GOSR2: variants seen among roughly 807,000 people sequenced by gnomAD.
GOSR2 encodes the protein golgi SNAP receptor complex member 2, also known as 27 kDa Golgi SNARE protein.
GOSR2 carries 20 observed loss-of-function variants against 27.9 expected under a neutral mutation model. The observed-to-expected ratio is 0.72, with a 90% CI of 0.50 to 1.04. The LOEUF is 1.04. Among genes scored for constraint, GOSR2 ranks in the 50% least tolerant of loss-of-function variants. The probability of loss-of-function intolerance (pLI) is 0.00; values close to 1 mark genes in which losing one functional copy is unlikely to be tolerated. For synonymous variants in GOSR2, 91 were observed against 98.8 expected (o/e 0.92, Z 0.47); for missense variants, 261 against 270.5 (o/e 0.97, Z 0.25).
chr17:46,958,117 G>C (rs1240115359), intron 6 of GOSR2, among the ~76,000 whole-genome samples: 1 of 152,166 alleles, frequency 6.6e-6, no homozygotes, highest in African/African-American at 2.4e-5. Flanking sequence ...ATTTGTGCAG[G>C]ACTTTCTTTC....
chr17:46,938,828 A>G lies in GOSR2; in HGVS notation c.*68A>G, dbSNP rs2088848326. The G allele has an allele frequency of 2.5e-6, 4 of 1,609,364 alleles. No homozygotes were observed. Among genetic ancestry groups the G allele is most frequent in the Non-Finnish European group, 3.4e-6 (4 of 1,179,108 alleles). ...AAGTGTGTGTGTGTGTGAAAGAGAGAGGGGGGCCCAGAGGCCGCCTTTTGA... is the reference window on the plus strand; with the variant it reads ...AAGTGTGTGTGTGTGTGAAAGAGAGGGGGGGGCCCAGAGGCCGCCTTTTGA... On this transcript the variant is annotated 3_prime_UTR_variant, in exon 6 of 6. Transcript: ENST00000640051.
intron 5 of GOSR2, chr17:46,937,731 C>T (rs376206497): frequency 6.6e-6 from 1 of 152,216 alleles, no homozygotes; most frequent in Non-Finnish European, 1.5e-5. Context: ...TTCCAAGGTT[C>T]ATTCATATTG....
At position 46,939,171 on chromosome 17, in the gene GOSR2, G is replaced by A. The variant is rs1422100754; in HGVS notation, c.*411G>A. ...CCTTTCTGGCTCCTGATAGGGTGGA[G>A]CAAAAGTGGAAAGGAAAGGAAAGAG... On this transcript the variant is annotated 3_prime_UTR_variant, in exon 6 of 6. Transcript: ENST00000640051. The A allele has an allele frequency of 6.4e-6, 7 of 1,094,208 alleles. No homozygotes were observed. The highest frequency in any genetic ancestry group is 2.6e-5 in the South Asian group (1 of 37,808). 67.8% of individuals were successfully genotyped at this position (1,094,208 alleles called of 1,614,324 possible). A position where few individuals can be genotyped will look rare whatever the true frequency, so the allele number is the denominator to read the frequency against.
downstream of GOSR2, among the ~76,000 whole-genome samples, chr17:46,946,630 A>G (rs2089921658): frequency 6.6e-6 from 1 of 152,158 alleles, no homozygotes; most frequent in Non-Finnish European, 1.5e-5. Flanking sequence ...TGGGAGGCCA[A>G]AGCAGGTGGA....
Position 46,938,662 on chromosome 17 carries a change from C to G in GOSR2, c.541C>G (p.Leu181Val), listed in dbSNP as rs772342696. The G allele has an allele frequency of 1.7e-5, 28 of 1,614,012 alleles. No homozygotes were observed. Among genetic ancestry groups the G allele is most frequent in the Non-Finnish European group, 2.2e-5 (26 of 1,180,028 alleles). The stretch of plus-strand genomic sequence containing the variant: ...GGGCTTGTCCAACACAGTGATGCGG[C>G]TCATCGAGAAGCGGGCTTTCCAGGA... ...MLGLSNTVMRLIEKRAFQDKY... is the reference protein window; with the variant it reads ...MLGLSNTVMRVIEKRAFQDKY... The change falls in exon 6 of 6, where the codon CTC becomes GTC. Residue 181 changes from leucine to valine, a missense_variant. Transcript: ENST00000640051.
rs1214851533 is a variant in GOSR2 at position 46,939,299 on chromosome 17, C to T, written c.*539C>T. On this transcript the variant is annotated 3_prime_UTR_variant, in exon 6 of 6. Coordinates refer to ENST00000640051, the MANE Select transcript of GOSR2 (RefSeq NM_004287.5). ...CAGTGACATGTAGATGACTGACTGC[C>T]AATACTTGTCACCATTCCCTGGAAG... The T allele has an allele frequency of 9.9e-7, 1 of 1,014,100 alleles. No homozygotes were observed. Among genetic ancestry groups the T allele is most frequent in the Admixed American group, 5.1e-5 (1 of 19,794 alleles). The allele number at this position is 1,014,100 out of a possible 1,614,324, so 62.8% of individuals were successfully genotyped here.
intron 6 of GOSR2, among the ~76,000 whole-genome samples, chr17:46,951,863 C>G (rs2090374585): frequency 6.6e-6 from 1 of 152,148 alleles, no homozygotes; most frequent in Non-Finnish European, 1.5e-5. Flanking sequence ...TCTGGCTTTT[C>G]CCTCGGGGTG....
downstream of GOSR2, among the ~76,000 whole-genome samples, chr17:46,944,826 C>T (rs971574120): frequency 2.0e-5 from 3 of 152,108 alleles, no homozygotes; most frequent in East Asian, 1.9e-4. Flanking sequence ...TCTCGAACTC[C>T]TGACTTCAGG....
At chr17:46,935,414 C>T (rs570766020) in intron 5 of GOSR2, 2 of 1,426,776 alleles carry the variant, frequency 1.4e-6, no homozygotes, top group Non-Finnish European at 9.1e-7. Flanking sequence ...CAGGTCTTTT[C>T]CCATTTACTG....
Position 46,932,056 on chromosome 17 carries a change from A to G in GOSR2, c.204-11A>G. 2 of 1,612,596 alleles carry G rather than the reference A, an allele frequency of 1.2e-6. No individual in the cohort carries two copies. The highest frequency in any genetic ancestry group is 2.2e-5 in the East Asian group (1 of 44,876). On this transcript the variant is annotated splice_polypyrimidine_tract_variant and intron_variant, in intron 3 of 5. Coordinates refer to ENST00000640051, the MANE Select transcript of GOSR2 (RefSeq NM_004287.5). ...TTCCTGGAATTTAATCTCTCTCTCC[A>G]TCAATTCCAGTCGGGTTGACCAGTT... is the stretch of plus-strand genomic sequence containing the variant.
chr17:46,938,838 A>G lies in GOSR2; in HGVS notation c.*78A>G. The G allele has an allele frequency of 1.9e-6, 3 of 1,606,330 alleles. No homozygotes were observed. Among genetic ancestry groups the G allele is most frequent in the Non-Finnish European group, 2.5e-6 (3 of 1,178,068 alleles). On this transcript the variant is annotated 3_prime_UTR_variant, in exon 6 of 6. Coordinates refer to ENST00000640051, the MANE Select transcript of GOSR2 (RefSeq NM_004287.5). ...GTGTGTGAAAGAGAGAGGGGGGCCC[A>G]GAGGCCGCCTTTTGAAATGTTTGCC...
intron 6 of GOSR2, chr17:46,965,051 T>C (rs1280637305): frequency 6.6e-6 from 1 of 152,170 alleles, no homozygotes; most frequent in African/African-American, 2.4e-5. Context: ...TAAGTACATG[T>C]GTGATGGCCC....
intron 1 of GOSR2, chr17:46,924,296 A>G (rs1353821801): frequency 6.4e-6 from 1 of 155,598 alleles, no homozygotes; most frequent in African/African-American, 2.4e-5. Context: ...CCAGAATTTC[A>G]TTCTGTTTTA....
chr17:46,973,708 C>G (rs961854482), intron 6 of GOSR2, among the ~76,000 whole-genome samples: 1 of 152,186 alleles, frequency 6.6e-6, no homozygotes, highest in East Asian at 1.9e-4. Context: ...CTGCTGTGAT[C>G]TTTATTGACA....
At position 46,941,217 on chromosome 17, in the gene GOSR2, G is replaced by A; in HGVS notation, c.*2457G>A. ...CTCCAAGACCAAGTAAGTTAGAGGA[G>A]TCTTGATTTTTTAGACTTCACTGCG... On this transcript the variant is annotated 3_prime_UTR_variant, in exon 6 of 6. Transcript: ENST00000640051. 2.0e-6 allele frequency: 2 copies of A among 996,436 alleles called. No homozygotes were observed. The highest frequency in any genetic ancestry group is 1.0e-4 in the East Asian group (1 of 9,640). The allele number at this position is 996,436 out of a possible 1,614,324, so 61.7% of individuals were successfully genotyped here.
At chr17:46,946,298 A>G (rs201468101), downstream of GOSR2, among the ~76,000 whole-genome samples, 2,104 of 121,958 alleles carry the variant, frequency 0.017, 22 homozygotes, top group Non-Finnish European at 0.023. Context: ...AAAAAAAAAA[A>G]AAAAGAAAAG....
downstream of GOSR2, among the ~76,000 whole-genome samples, chr17:46,942,285 C>T (rs559134237): frequency 7.2e-5 from 11 of 152,344 alleles, no homozygotes; most frequent in Middle Eastern, 3.4e-3. Context: ...CCTTCATAAA[C>T]AGCTTGCCTG....
At chr17:46,928,760 A>G (rs903628385) in intron 1 of GOSR2, among the ~76,000 whole-genome samples, 7 of 152,248 alleles carry the variant, frequency 4.6e-5, no homozygotes, top group Middle Eastern at 6.8e-3. Context: ...TTCCCTTTCA[A>G]GCAGCCCACC....
intron 6 of GOSR2, chr17:46,973,165 A>T: frequency 6.5e-6 from 1 of 153,522 alleles, no homozygotes; most frequent in Middle Eastern, 5.2e-4. Flanking sequence ...CCAAAACTGG[A>T]ATGCCGGATG....
Sources: allele counts gnomAD v4.1 joint callset (sites outside exome capture counted in the v4.1 genomes callset), GRCh38; gene constraint gnomAD v4.1.1; transcripts MANE v1.5; gene names NCBI Gene and HGNC (gene_info 2026-07-23, HGNC 2026-07-21).